CACNA1E: variants seen among roughly 807,000 people sequenced by gnomAD.
CACNA1E encodes the protein calcium voltage-gated channel subunit alpha1 E, also known as voltage-dependent R-type calcium channel subunit alpha-1E.
Under a neutral mutation model 259.2 loss-of-function variants are expected in CACNA1E, and 40 were observed. That is an observed-to-expected ratio of 0.15 (90% CI 0.12 to 0.20). CACNA1E has a LOEUF of 0.20. CACNA1E is among the 10% of genes least tolerant of loss of function. The probability of loss-of-function intolerance (pLI) is 1.00; values close to 1 mark genes in which losing one functional copy is unlikely to be tolerated. For missense variants in CACNA1E, 1,874 were observed against 3,040.1 expected, an observed-to-expected ratio of 0.62 and a Z score of 9.02; for synonymous variants, 1,104 against 1,138.5, an observed-to-expected ratio of 0.97 and a Z score of 0.61.
chr1:181,387,010 C>T (rs1484364261), intron 1 of CACNA1E, among the ~76,000 whole-genome samples: 1 of 152,194 alleles, frequency 6.6e-6, no homozygotes, highest in Non-Finnish European at 1.5e-5. Flanking sequence ...TTTCCTTGGG[C>T]TGATGGGTAG....
At chr1:181,537,095 CTTT>C (rs201514362) in intron 3 of CACNA1E, among the ~76,000 whole-genome samples, 61 of 112,628 alleles carry the variant, frequency 5.4e-4, no homozygotes, top group East Asian at 3.1e-3. Flanking sequence ...TTTTTCTTTT[CTTT>C]TTTTTTTTTT....
intron 18 of CACNA1E, among the ~76,000 whole-genome samples, chr1:181,730,358 G>A (rs563602796): frequency 2.4e-4 from 36 of 152,362 alleles, no homozygotes; most frequent in African/African-American, 8.2e-4. Flanking sequence ...TCCTCTAGCT[G>A]AGCATTGAAC....
intron 3 of CACNA1E, among the ~76,000 whole-genome samples, chr1:181,574,238 AT>A (rs989465854): frequency 2.6e-5 from 4 of 152,172 alleles, no homozygotes; most frequent in African/African-American, 4.8e-5. Context: ...CATGGCACAC[AT>A]TTACCTATGT....
At chr1:181,571,095 T>C (rs1295317330) in intron 3 of CACNA1E, among the ~76,000 whole-genome samples, 3 of 152,190 alleles carry the variant, frequency 2.0e-5, no homozygotes, top group Admixed American at 6.6e-5. Flanking sequence ...AAATCAGTGC[T>C]ATGTGCAGAA....
chr1:181,735,847 C>G (rs1655985736), intron 21 of CACNA1E, among the ~76,000 whole-genome samples: 1 of 152,174 alleles, frequency 6.6e-6, no homozygotes, highest in Non-Finnish European at 1.5e-5. Context: ...GTTTTCCCAT[C>G]TGTATCATGG....
At chr1:181,649,207 C>T (rs1260001369) in intron 6 of CACNA1E, among the ~76,000 whole-genome samples, 1 of 152,194 alleles carries the variant, frequency 6.6e-6, no homozygotes, top group African/African-American at 2.4e-5. Flanking sequence ...CCCACATCTT[C>T]CCTGATTGTA....
intron 3 of CACNA1E, among the ~76,000 whole-genome samples, chr1:181,577,285 T>C (rs1651069968): frequency 6.6e-6 from 1 of 152,224 alleles, no homozygotes; most frequent in Non-Finnish European, 1.5e-5. Flanking sequence ...ATTGATTTGT[T>C]TGGTAAAAAT....
chr1:181,347,814 T>C (rs531467420), intron 1 of CACNA1E, among the ~76,000 whole-genome samples: 6 of 152,388 alleles, frequency 3.9e-5, no homozygotes, highest in African/African-American at 1.4e-4. Context: ...TTCTGAGTGT[T>C]GTGCCCTATC....
intron 34 of CACNA1E, among the ~76,000 whole-genome samples, chr1:181,764,794 T>A (rs1389754252): frequency 7.9e-5 from 12 of 151,976 alleles, no homozygotes; most frequent in Non-Finnish European, 1.2e-4. Flanking sequence ...CTTTTTTTTT[T>A]AGAGGATTGC....
At chr1:181,756,619 G>T (rs1329787904) in intron 29 of CACNA1E, among the ~76,000 whole-genome samples, 1 of 152,196 alleles carries the variant, frequency 6.6e-6, no homozygotes, top group African/African-American at 2.4e-5. Context: ...AGTGGCAACA[G>T]GTTCTACTTG....
chr1:181,350,719 C>G (rs1652983785), intron 1 of CACNA1E, among the ~76,000 whole-genome samples: 1 of 152,170 alleles, frequency 6.6e-6, no homozygotes, highest in East Asian at 1.9e-4. Context: ...GGCCCCATGA[C>G]TCAAACTTGG....
At chr1:181,407,310 C>G (rs1344012293) in intron 1 of CACNA1E, among the ~76,000 whole-genome samples, 1 of 152,068 alleles carries the variant, frequency 6.6e-6, no homozygotes, top group Non-Finnish European at 1.5e-5. Flanking sequence ...TTGCTATGTT[C>G]TTTTCATGAT....
intron 1 of CACNA1E, among the ~76,000 whole-genome samples, chr1:181,337,301 G>A (rs1334277573): frequency 6.6e-6 from 1 of 150,630 alleles, no homozygotes; most frequent in African/African-American, 2.4e-5. Context: ...GCCTACAGGC[G>A]CCCGCCACCA....
chr1:181,360,369 G>T (rs1307614897), intron 1 of CACNA1E, among the ~76,000 whole-genome samples: 3 of 152,116 alleles, frequency 2.0e-5, no homozygotes, highest in Non-Finnish European at 2.9e-5. Context: ...GCTGATGAAT[G>T]GATAAACAAA....
chr1:181,721,645 G>A, intron 15 of CACNA1E, 113 bp from the exon 16 acceptor site: 1 of 535,710 alleles, frequency 1.9e-6, no homozygotes. Context: ...TGGCAAGATT[G>A]TCAAGCAAGG....
rs1471265202 is a variant in CACNA1E, at chr1:181,787,471, A to AT, written c.5786+1655dup. The stretch of plus-strand genomic sequence containing the variant: ...AAATTGCAATCTCTGTTTATCTACA[A>AT]TTTGCTTTACAAATTAACCCACCAC... On this transcript the variant is annotated intron_variant, in intron 43 of 47. Coordinates refer to ENST00000367573, the MANE Select transcript of CACNA1E (RefSeq NM_001205293.3). Among the ~76,000 whole-genome samples, 4 of 152,072 alleles carry AT rather than the reference A, an allele frequency of 2.6e-5. No individual in the cohort carries two copies. In the East Asian group the frequency reaches 7.7e-4, roughly 29 times the overall value.
chr1:181,533,901 T>A (rs1359514259), intron 3 of CACNA1E, among the ~76,000 whole-genome samples: 2 of 152,144 alleles, frequency 1.3e-5, no homozygotes, highest in Non-Finnish European at 2.9e-5. Context: ...TATTCGTTGA[T>A]GTTATATCCA....
At chr1:181,529,754 T>C (rs1309634204) in intron 3 of CACNA1E, among the ~76,000 whole-genome samples, 1 of 152,154 alleles carries the variant, frequency 6.6e-6, no homozygotes, top group Non-Finnish European at 1.5e-5. Context: ...TTTGGCCAAT[T>C]TTTCCCATTT....
intron 6 of CACNA1E, among the ~76,000 whole-genome samples, chr1:181,617,138 G>A (rs559410864): frequency 6.6e-6 from 1 of 152,084 alleles, no homozygotes; most frequent in South Asian, 2.1e-4. Flanking sequence ...TTTTGGTTTT[G>A]TTGATTTTTC....
Sources: allele counts gnomAD v4.1 joint callset (sites outside exome capture counted in the v4.1 genomes callset), GRCh38; gene constraint gnomAD v4.1.1; transcripts MANE v1.5; gene names NCBI Gene and HGNC (gene_info 2026-07-23, HGNC 2026-07-21).